The following PCDH9 variants were observed in gnomAD, a reference collection of about 807,000 sequenced individuals.
PCDH9 encodes the protein protocadherin-9.
Under a neutral mutation model 70.6 loss-of-function variants are expected in PCDH9, and 24 were observed. That is an observed-to-expected ratio of 0.34 (90% CI 0.25 to 0.48). The LOEUF (loss-of-function observed/expected upper bound fraction) is 0.48, where lower values mean the gene tolerates loss of function less well. Ranked by LOEUF, PCDH9 falls within the 20% of genes least tolerant of loss-of-function variation. The pLI is 0.99. For synonymous variants in PCDH9, 562 were observed against 558.5 expected (o/e 1.01, Z -0.09); for missense variants, 1,281 against 1,503.6 (o/e 0.85, Z 2.45).
intron 3 of PCDH9, among the ~76,000 whole-genome samples, chr13:66,808,660 A>G (rs2139355846): frequency 6.6e-6 from 1 of 152,308 alleles, no homozygotes; most frequent in East Asian, 1.9e-4. Context: ...CTTCCCTGTA[A>G]AGCACTAGTA....
intron 4 of PCDH9, among the ~76,000 whole-genome samples, chr13:66,599,552 ATT>A (rs113343487): frequency 6.3e-4 from 93 of 147,848 alleles, no homozygotes; most frequent in African/African-American, 1.5e-3. Context: ...TTTTTAATTA[ATT>A]TTTTTTTTTT....
At chr13:66,686,674 T>C (rs774304003) in intron 3 of PCDH9, among the ~76,000 whole-genome samples, 7 of 152,196 alleles carry the variant, frequency 4.6e-5, no homozygotes, top group South Asian at 2.1e-4. Context: ...ATTTTTTACT[T>C]CCTACCACTT....
In PCDH9 at chr13:66,304,530, C is replaced by T. The variant is rs1017650634; in HGVS notation, c.*125G>A. The T allele has an allele frequency of 1.4e-6, 1 of 739,880 alleles. No individual in the cohort carries two copies. The highest frequency in any genetic ancestry group is 2.3e-5 in the Admixed American group (1 of 42,738). 45.8% of individuals were successfully genotyped at this position (739,880 alleles called of 1,614,324 possible). On this transcript the variant is annotated 3_prime_UTR_variant, in exon 5 of 5. Transcript: ENST00000377865. ...AACATTGTATTCTCCATGGTGCTAACACAAAGTTATAGGTATCCCTGCTAG... is the reference window on the plus strand; with the variant it reads ...AACATTGTATTCTCCATGGTGCTAATACAAAGTTATAGGTATCCCTGCTAG...
At chr13:66,834,851 C>A (rs754984004) in intron 3 of PCDH9, among the ~76,000 whole-genome samples, 1 of 152,204 alleles carries the variant, frequency 6.6e-6, no homozygotes, top group South Asian at 2.1e-4. Context: ...AACCATGGAA[C>A]GCTTTGCTCC....
Position 67,127,684 on chromosome 13 carries a change from G to A in PCDH9, c.3036+97721C>T, listed in dbSNP as rs1024884175. Among the ~76,000 whole-genome samples the A allele has an allele frequency of 1.7e-4, 25 of 149,136 alleles. No homozygotes were observed. The East Asian group carries it at 4.3e-3, about 26-fold the overall frequency. ...TTATCATATATATATATATGTGTGT[G>A]TGTGTGTGTGTGTGTGTATGTGTGT... On this transcript the variant is annotated intron_variant, in intron 2 of 4. Coordinates refer to ENST00000377865, the MANE Select transcript of PCDH9 (RefSeq NM_203487.3).
intron 3 of PCDH9, among the ~76,000 whole-genome samples, chr13:66,894,459 A>AT (rs907214655): frequency 7.9e-5 from 12 of 152,016 alleles, no homozygotes; most frequent in South Asian, 2.1e-4. Flanking sequence ...TAGCTGCATA[A>AT]TTTTTTTTAT....
At chr13:66,335,264 T>A (rs1956017946) in intron 4 of PCDH9, among the ~76,000 whole-genome samples, 1 of 152,128 alleles carries the variant, frequency 6.6e-6, no homozygotes, top group African/African-American at 2.4e-5. Context: ...CATTTCTAGA[T>A]CCTAATGTTA....
chr13:67,116,640 T>C (rs1260462407), intron 2 of PCDH9, among the ~76,000 whole-genome samples: 1 of 152,210 alleles, frequency 6.6e-6, no homozygotes, highest in Non-Finnish European at 1.5e-5. Context: ...TTTCCCATTC[T>C]AAGCTCAACT....
At chr13:66,328,601 G>T (rs148879118) in intron 4 of PCDH9, among the ~76,000 whole-genome samples, 1 of 152,084 alleles carries the variant, frequency 6.6e-6, no homozygotes, top group Non-Finnish European at 1.5e-5. Context: ...GTTGACGTCC[G>T]TATGTCTTAA....
At chr13:66,684,026 G>T (rs2078365065) in intron 3 of PCDH9, among the ~76,000 whole-genome samples, 4 of 152,142 alleles carry the variant, frequency 2.6e-5, no homozygotes. Flanking sequence ...CAGGGAGAGG[G>T]ATGTTTCTTA....
intron 4 of PCDH9, among the ~76,000 whole-genome samples, chr13:66,334,929 A>G (rs886128112): frequency 1.3e-5 from 2 of 152,054 alleles, no homozygotes; most frequent in Admixed American, 6.6e-5. Flanking sequence ...CATTAATTTC[A>G]TATTATTTAG....
At chr13:67,216,941 T>C (rs2089621083) in intron 2 of PCDH9, 1 of 151,712 alleles carries the variant, frequency 6.6e-6, no homozygotes, top group African/African-American at 2.4e-5. Context: ...ATGACATGAA[T>C]ATATGACACA....
intron 2 of PCDH9, among the ~76,000 whole-genome samples, chr13:66,904,857 T>C (rs1211505657): frequency 6.6e-6 from 1 of 152,030 alleles, no homozygotes; most frequent in Non-Finnish European, 1.5e-5. Flanking sequence ...TTGTTTAAAA[T>C]AAATAGCTAT....
intron 4 of PCDH9, among the ~76,000 whole-genome samples, chr13:66,384,684 A>G (rs866221220): frequency 1.3e-5 from 2 of 152,120 alleles, no homozygotes; most frequent in African/African-American, 4.8e-5. Context: ...TACTTATTTG[A>G]GGTGGAGTTT....
At chr13:67,211,104 G>A (rs2089459243) in intron 2 of PCDH9, 1 of 151,874 alleles carries the variant, frequency 6.6e-6, no homozygotes, top group African/African-American at 2.4e-5. Context: ...ATTAAGAAGT[G>A]ATTTACATAT....
At chr13:66,500,575 CA>C in intron 4 of PCDH9, among the ~76,000 whole-genome samples, 1 of 151,768 alleles carries the variant, frequency 6.6e-6, no homozygotes, top group South Asian at 2.1e-4. Context: ...AAGAAGTGCT[CA>C]AAAAATGGTG....
At chr13:66,320,242 GTC>G (rs1359433963) in intron 4 of PCDH9, among the ~76,000 whole-genome samples, 1 of 152,034 alleles carries the variant, frequency 6.6e-6, no homozygotes, top group African/African-American at 2.4e-5. Context: ...TATAATCGCA[GTC>G]TCTGTGTCTT....
intron 4 of PCDH9, among the ~76,000 whole-genome samples, chr13:66,379,553 G>T (rs558692151): frequency 6.6e-6 from 1 of 152,214 alleles, no homozygotes; most frequent in South Asian, 2.1e-4. Flanking sequence ...CACCAATTCT[G>T]CATAAATAAA....
At chr13:66,984,810 T>A (rs2181882) in intron 2 of PCDH9, among the ~76,000 whole-genome samples, 1 of 152,118 alleles carries the variant, frequency 6.6e-6, no homozygotes, top group Non-Finnish European at 1.5e-5. Context: ...AAAGGAGATA[T>A]GTGTATATTT....
Sources: gnomAD v4.1 joint callset for allele counts (sites outside exome capture counted in the v4.1 genomes callset) on GRCh38, gnomAD v4.1.1 for gene constraint, MANE v1.5 for transcripts, NCBI Gene and HGNC (gene_info 2026-07-23, HGNC 2026-07-21) for gene names.